Variants in PSD3 observed in about 807,000 individuals in gnomAD.
The protein encoded by PSD3 is pleckstrin and Sec7 domain containing 3, also known as PH and SEC7 domain-containing protein 3.
PSD3 carries 49 observed loss-of-function variants against 105.5 expected under a neutral mutation model. The ratio of observed to expected loss-of-function variants is 0.46; its 90% CI spans 0.37 to 0.59. PSD3 has a LOEUF of 0.59. Among genes scored for constraint, PSD3 ranks in the 20% least tolerant of loss-of-function variants. The pLI is 0.00. For missense variants in PSD3, 1,561 were observed against 1,263.8 expected (o/e 1.24, Z -3.57); for synonymous variants, 557 against 457.8 (o/e 1.22, Z -2.77).
At chr8:18,645,657 C>T (rs1231618794) in intron 10 of PSD3, among the ~76,000 whole-genome samples, 2 of 152,092 alleles carry the variant, frequency 1.3e-5, no homozygotes, top group African/African-American at 4.8e-5. Context: ...ACAGTATCTG[C>T]CATGTTAGGA....
intron 2 of PSD3, among the ~76,000 whole-genome samples, chr8:18,917,738 G>C (rs1324881476): frequency 6.6e-6 from 1 of 152,070 alleles, no homozygotes; most frequent in Non-Finnish European, 1.5e-5. Context: ...CAGGAACGTG[G>C]AGCTCAAGCA....
chr8:18,627,695 A>T (rs1806592585), intron 11 of PSD3, among the ~76,000 whole-genome samples: 1 of 152,032 alleles, frequency 6.6e-6, no homozygotes, highest in South Asian at 2.1e-4. Context: ...TTACCCGCAC[A>T]CCAGGAGAAA....
intron 4 of PSD3, among the ~76,000 whole-genome samples, chr8:18,846,564 C>G (rs1324417571): frequency 6.6e-6 from 1 of 152,140 alleles, no homozygotes; most frequent in Non-Finnish European, 1.5e-5. Context: ...CAGAGAGGGT[C>G]ACGGACTGCT....
chr8:19,071,233 A>G (rs1275948042), intron 1 of PSD3, among the ~76,000 whole-genome samples: 9 of 151,752 alleles, frequency 5.9e-5, no homozygotes, highest in African/African-American at 2.2e-4. Context: ...TTAATTTTTT[A>G]TTTATTTATT....
intron 9 of PSD3, among the ~76,000 whole-genome samples, chr8:18,718,870 G>C (rs551610446): frequency 4.5e-4 from 68 of 152,220 alleles, no homozygotes; most frequent in Non-Finnish European, 8.5e-4. Context: ...ACAAAAAGGA[G>C]GCAATGGGGA....
chr8:18,633,743 G>C (rs976706239), intron 10 of PSD3, among the ~76,000 whole-genome samples: 5 of 152,018 alleles, frequency 3.3e-5, no homozygotes, highest in Admixed American at 2.0e-4. Context: ...TGTCTTTTTG[G>C]TGGAATGATT....
chr8:18,564,187 TGTA>T (rs1197365994), intron 14 of PSD3, among the ~76,000 whole-genome samples: 1 of 152,044 alleles, frequency 6.6e-6, no homozygotes, highest in Admixed American at 6.6e-5. Context: ...CAGTGGAAAA[TGTA>T]GTTTATTTTC....
rs1030480824 is a variant in PSD3, at chr8:18,773,635, T to C, written c.2083-8097A>G. On this transcript the variant is annotated intron_variant, in intron 8 of 15. Transcript: ENST00000327040. ...AAATATTTTCCCTTTTATTTGCATC[T>C]TATTATTCTGCAGCATGGTTTGATA... is the stretch of plus-strand genomic sequence containing the variant. 2.6e-5 allele frequency among the ~76,000 whole-genome samples: 4 copies of C among 152,188 alleles called. No individual in the cohort carries two copies. In the East Asian group the frequency reaches 7.7e-4, roughly 29 times the overall value.
At position 18,531,902 on chromosome 8, in the gene PSD3, G is replaced by C. The variant is rs1799646777; in HGVS notation, c.*3841C>G. On this transcript the variant is annotated 3_prime_UTR_variant, in exon 16 of 16. Transcript: ENST00000327040. ...GTGGCTCCCAACCTGCTGAAAACTC[G>C]ACCAAGTCCACGGGAGTTAAATTAC... 1 of 152,120 alleles carries C rather than the reference G, an allele frequency of 6.6e-6. No homozygotes were observed. The highest frequency in any genetic ancestry group is 1.9e-4 in the East Asian group (1 of 5,196). The allele number at this position is 152,120 out of a possible 1,614,324, so 9.4% of individuals were successfully genotyped here. A position where few individuals can be genotyped will look rare whatever the true frequency, so the allele number is the denominator to read the frequency against.
chr8:18,611,253 A>G (rs937691499), intron 11 of PSD3, among the ~76,000 whole-genome samples: 10 of 59,508 alleles, frequency 1.7e-4, no homozygotes, highest in African/African-American at 4.6e-4. Flanking sequence ...GGATTTTGGA[A>G]AAAAAAAAAA....
intron 1 of PSD3, among the ~76,000 whole-genome samples, chr8:19,032,713 T>C (rs1282599349): frequency 1.3e-5 from 2 of 151,568 alleles, no homozygotes; most frequent in Admixed American, 6.6e-5. Flanking sequence ...GCTACATTCA[T>C]CTGCTATTAA....
intron 9 of PSD3, among the ~76,000 whole-genome samples, chr8:18,739,352 G>A (rs140233030): frequency 2.6e-5 from 4 of 152,034 alleles, no homozygotes; most frequent in Non-Finnish European, 4.4e-5. Context: ...TTATAAACTC[G>A]CTGTTGAAAT....
intron 4 of PSD3, among the ~76,000 whole-genome samples, chr8:18,814,032 G>T (rs12544572): frequency 6.6e-6 from 1 of 152,120 alleles, no homozygotes; most frequent in Non-Finnish European, 1.5e-5. Context: ...GGAATACTTA[G>T]GACAAACGTC....
chr8:18,691,734 T>C (rs1254242136), intron 9 of PSD3, among the ~76,000 whole-genome samples: 4 of 152,122 alleles, frequency 2.6e-5, no homozygotes, highest in African/African-American at 9.7e-5. Context: ...ACTCAACAAA[T>C]ATTCCCCAAG....
intron 4 of PSD3, among the ~76,000 whole-genome samples, chr8:18,831,975 A>C (rs924813706): frequency 6.6e-6 from 1 of 152,220 alleles, no homozygotes; most frequent in Non-Finnish European, 1.5e-5. Flanking sequence ...ATGTCTTTGT[A>C]TTAACTTCTG....
intron 1 of PSD3, among the ~76,000 whole-genome samples, chr8:19,010,068 C>T (rs747534820): frequency 1.8e-4 from 28 of 152,218 alleles, no homozygotes; most frequent in Non-Finnish European, 3.8e-4. Flanking sequence ...TATCCTTCAA[C>T]ATGTATAAAT....
Position 18,535,906 on chromosome 8 carries a change from A to T in PSD3, c.2981T>A (p.Leu994Gln). The change falls in exon 16 of 16, where the codon CTA (leucine) becomes CAA (glutamine). Residue 994 changes from leucine (L) to glutamine (Q), a missense_variant. Transcript: ENST00000327040. ...VSILKEGGKE[L>Q]LSNDESEAAG... ...AGCCTCGCTTTCATCGTTACTCAGT[A>T]GCTCTTTGCCTCCTTCCTTGAGAAT... The T allele has an allele frequency of 1.2e-6, 2 of 1,614,200 alleles. No individual in the cohort carries two copies. The highest frequency in any genetic ancestry group is 1.7e-6 in the Non-Finnish European group (2 of 1,180,032).
intron 1 of PSD3, among the ~76,000 whole-genome samples, chr8:18,958,904 G>C (rs1346730154): frequency 6.8e-6 from 1 of 146,722 alleles, no homozygotes; most frequent in Non-Finnish European, 1.5e-5. Context: ...ACAGGATACA[G>C]AGGAGTTAAG....
At chr8:19,063,431 C>T (rs1283485467) in intron 1 of PSD3, among the ~76,000 whole-genome samples, 1 of 152,144 alleles carries the variant, frequency 6.6e-6, no homozygotes, top group African/African-American at 2.4e-5. Flanking sequence ...TGTGGTGGCT[C>T]AGGCTAAATC....
Sources: allele counts gnomAD v4.1 joint callset (sites outside exome capture counted in the v4.1 genomes callset), GRCh38; gene constraint gnomAD v4.1.1; transcripts MANE v1.5; gene names NCBI Gene and HGNC (gene_info 2026-07-23, HGNC 2026-07-21).